The following UNC45B variants were observed in gnomAD, a reference collection of about 807,000 sequenced individuals.
UNC45B encodes the protein unc-45 myosin chaperone B, also known as protein unc-45 homolog B.
UNC45B carries 78 observed loss-of-function variants against 98.7 expected under a neutral mutation model. That is an observed-to-expected ratio of 0.79 (90% CI 0.66 to 0.95). UNC45B has a LOEUF of 0.95. UNC45B is among the 40% of genes least tolerant of loss of function. UNC45B has a pLI of 0.00. For missense variants in UNC45B, 1,225 were observed against 1,184.9 expected, an observed-to-expected ratio of 1.03 and a Z score of -0.50; for synonymous variants, 462 against 480.4, an observed-to-expected ratio of 0.96 and a Z score of 0.50.
At chr17:35,174,457 G>A (rs2092212687) in intron 14 of UNC45B, 88 bp downstream of exon 14, 3 of 1,556,900 alleles carry the variant, frequency 1.9e-6, no homozygotes, top group Non-Finnish European at 2.6e-6. Context: ...GATAGAAATG[G>A]TGGGGGCCTA....
chr17:35,166,401 A>T (rs1432456026), intron 9 of UNC45B, among the ~76,000 whole-genome samples: 1 of 152,070 alleles, frequency 6.6e-6, no homozygotes, highest in Non-Finnish European at 1.5e-5. Flanking sequence ...TCTCTACCTC[A>T]GTTTCAACTT....
At chr17:35,172,200 G>A (rs982996691) in intron 13 of UNC45B, among the ~76,000 whole-genome samples, 3 of 151,490 alleles carry the variant, frequency 2.0e-5, no homozygotes, top group African/African-American at 7.3e-5. Context: ...GCCCAATTTT[G>A]GAAAAATATG....
chr17:35,150,761 G>A (rs1390915288), intron 4 of UNC45B, among the ~76,000 whole-genome samples: 4 of 83,620 alleles, frequency 4.8e-5, no homozygotes, highest in Middle Eastern at 6.9e-3. Flanking sequence ...TCCCACCCCC[G>A]CCCCCCCCAA....
rs750770671 is a variant in UNC45B, at chr17:35,169,874, A to T, written c.1490A>T (p.Tyr497Phe). 6.2e-7 allele frequency: 1 copy of T among 1,614,124 alleles called. No individual in the cohort carries two copies. Among genetic ancestry groups the T allele is most frequent in the Admixed American group, 1.7e-5 (1 of 60,012 alleles). Residue 497 changes from tyrosine to phenylalanine, a missense_variant, in exon 11 of 20, where the codon TAC (tyrosine) becomes TTC (phenylalanine). Tyr to Phe is a conservative substitution (Grantham distance 22, BLOSUM62 3). Coordinates refer to ENST00000394570, the MANE Select transcript of UNC45B (RefSeq NM_001267052.2). ...CKLGSAGGTDYGLRQFAEGST... is the reference protein window; with the variant it reads ...CKLGSAGGTDFGLRQFAEGST... ...CTCGGCTCTGCAGGTGGCACAGACT[A>T]CGGTCTCAGGCAGTTTGCGGAAGGG... is the stretch of plus-strand genomic sequence containing the variant.
chr17:35,156,777 A>G (rs946184059), intron 7 of UNC45B, among the ~76,000 whole-genome samples: 9 of 152,216 alleles, frequency 5.9e-5, no homozygotes, highest in African/African-American at 1.9e-4. Flanking sequence ...AATCACTATT[A>G]CCATTACCAC....
intron 14 of UNC45B, among the ~76,000 whole-genome samples, chr17:35,175,109 G>GAAAGAAAGAAAAAAGAA (rs1567766146): frequency 1.4e-5 from 2 of 147,270 alleles, no homozygotes; most frequent in African/African-American, 5.1e-5. Flanking sequence ...AAAAAGAAAA[G>GAAAGAAAGAAAAAAGAA]AAAGAAAGGG....
chr17:35,168,061 G>A lies in UNC45B; in HGVS notation c.1152G>A (p.Thr384=). 6.6e-7 allele frequency: 1 copy of A among 1,505,608 alleles called. No homozygotes were observed. The highest frequency in any genetic ancestry group is 1.4e-5 in the African/African-American group (1 of 71,366). The allele number at this position is 1,505,608 out of a possible 1,614,324, so 93.3% of individuals were successfully genotyped here. The change falls in exon 10 of 20, where the codon ACG becomes ACA. Residue 384 remains threonine, a splice_region_variant and synonymous_variant. Coordinates refer to ENST00000394570, the MANE Select transcript of UNC45B (RefSeq NM_001267052.2). ...HFRKICEEYI[T]GKFDPQDMDK... ...TGACCACCCTTGTCCTTTGTTTTAG[G>A]GGCAAGTTTGACCCCCAGGACATGG...
At chr17:35,180,443 T>G in intron 17 of UNC45B, 116 bp from the exon 18 acceptor site, 1 of 760,552 alleles carries the variant, frequency 1.3e-6, no homozygotes, top group Non-Finnish European at 2.2e-6. Flanking sequence ...CCATGCTGGC[T>G]GAGGATGTGG....
intron 19 of UNC45B, among the ~76,000 whole-genome samples, chr17:35,184,159 A>G (rs183444101): frequency 1.1e-4 from 16 of 152,268 alleles, no homozygotes; most frequent in Non-Finnish European, 1.5e-5. Flanking sequence ...AAAGGTGTTC[A>G]TGTCTGTTTT....
intron 8 of UNC45B, among the ~76,000 whole-genome samples, chr17:35,161,908 A>G (rs898766686): frequency 3.9e-5 from 6 of 152,090 alleles, no homozygotes; most frequent in African/African-American, 1.2e-4. Flanking sequence ...TGAAGCCTCT[A>G]TTTAAAAAAA....
At chr17:35,164,680 A>G (rs1346263580) in intron 9 of UNC45B, 2 of 152,252 alleles carry the variant, frequency 1.3e-5, no homozygotes, top group South Asian at 2.1e-4. Context: ...ATTAGGTTTC[A>G]GCTTTTGAAG....
chr17:35,171,056 T>C (rs1248111207), intron 12 of UNC45B, among the ~76,000 whole-genome samples: 1 of 152,156 alleles, frequency 6.6e-6, no homozygotes, highest in Non-Finnish European at 1.5e-5. Flanking sequence ...ACTGGGCTTG[T>C]GGAAGAGGCG....
chr17:35,181,025 C>T (rs192225885), intron 18 of UNC45B, among the ~76,000 whole-genome samples: 15 of 152,160 alleles, frequency 9.9e-5, no homozygotes, highest in Non-Finnish European at 1.3e-4. Context: ...GAAGGCTAGA[C>T]CACTTGCATT....
Position 35,166,263 on chromosome 17 carries a change from G to A in UNC45B, c.1152-1798G>A, listed in dbSNP as rs188071582. ...AGCCTGGGCAAGAGCGTGAGACCCC[G>A]TCTCAAATAAAATAAAATAATGTGA... On this transcript the variant is annotated intron_variant, in intron 9 of 19. Coordinates refer to ENST00000394570, the MANE Select transcript of UNC45B (RefSeq NM_001267052.2). Among the ~76,000 whole-genome samples the A allele has an allele frequency of 1.6e-3, 215 of 134,526 alleles. 1 individual carries two copies. Among genetic ancestry groups the A allele is most frequent in the Non-Finnish European group, 2.7e-3 (164 of 59,834 alleles). 88.3% of individuals were successfully genotyped at this position (134,526 alleles called of 152,430 possible).
intron 7 of UNC45B, among the ~76,000 whole-genome samples, chr17:35,158,005 T>G (rs2092075615): frequency 6.6e-6 from 1 of 152,138 alleles, no homozygotes. Context: ...CTTCTGGAGT[T>G]ACTAGGACTA....
At chr17:35,148,175 G>A in intron 1 of UNC45B, 89 bp from the exon 2 acceptor site, 2 of 1,457,970 alleles carry the variant, frequency 1.4e-6, no homozygotes, top group South Asian at 1.3e-5. Context: ...GGTGTGAGGG[G>A]ACCCTGGAGC....
chr17:35,173,905 G>C (rs753834290), intron 13 of UNC45B, among the ~76,000 whole-genome samples: 1 of 149,882 alleles, frequency 6.7e-6, no homozygotes, highest in East Asian at 2.0e-4. Flanking sequence ...CTCTGCCCCC[G>C]GGTTCATGCC....
In UNC45B at chr17:35,168,356, C is replaced by G; in HGVS notation, c.1447C>G (p.Leu483Val). The change falls in exon 10 of 20, where the codon CTG (leucine) becomes GTG (valine). Residue 483 changes from leucine to valine, a missense_variant. Transcript: ENST00000394570. ...AAATGAGAAGATCAAGATCCGCACA[C>G]TGGTGGTGAGTGGGCTCGGTACCAC... The part of the protein sequence containing the change: ...TKNEKIKIRT[L>V]VGLCKLGSAG... The G allele has an allele frequency of 7.4e-7, 1 of 1,345,332 alleles. No individual in the cohort carries two copies. The highest frequency in any genetic ancestry group is 9.6e-7 in the Non-Finnish European group (1 of 1,038,054). 83.3% of individuals were successfully genotyped at this position (1,345,332 alleles called of 1,614,324 possible).
At position 35,168,151 on chromosome 17, in the gene UNC45B, C is replaced by G; in HGVS notation, c.1242C>G (p.Asn414Lys). 1 of 1,604,446 alleles carries G rather than the reference C, an allele frequency of 6.2e-7. No individual in the cohort carries two copies. Among genetic ancestry groups the G allele is most frequent in the East Asian group, 2.3e-5 (1 of 43,876 alleles). Residue 414 changes from asparagine (N) to lysine (K), a missense_variant, in exon 10 of 20, where the codon AAC becomes AAG. Transcript: ENST00000394570. ...TGCAGGGCCCCTTTGACCTGGGCAA[C>G]CAGCTGCTGGGACTGAAAGGTGTGA... ...GILQGPFDLG[N>K]QLLGLKGVME...
Sources: allele counts gnomAD v4.1 joint callset (sites outside exome capture counted in the v4.1 genomes callset), GRCh38; gene constraint gnomAD v4.1.1; transcripts MANE v1.5; gene names NCBI Gene and HGNC (gene_info 2026-07-23, HGNC 2026-07-21).